Variants in UXS1 observed in about 807,000 individuals in gnomAD.
The protein encoded by UXS1 is UDP-glucuronic acid decarboxylase 1.
A neutral mutation model predicts 62.6 loss-of-function variants in UXS1; 33 were observed. That is an observed-to-expected ratio of 0.53 (90% CI 0.40 to 0.70). The LOEUF (loss-of-function observed/expected upper bound fraction) is 0.70. Among genes scored for constraint, UXS1 ranks in the 30% least tolerant of loss-of-function variants. UXS1 has a pLI of 0.00. For missense variants in UXS1, 434 were observed against 556.3 expected, an observed-to-expected ratio of 0.78 and a Z score of 2.21; for synonymous variants, 213 against 206.8, an observed-to-expected ratio of 1.03 and a Z score of -0.26.
intron 5 of UXS1, among the ~76,000 whole-genome samples, chr2:106,154,822 G>A (rs1558732675): frequency 6.6e-6 from 1 of 152,166 alleles, no homozygotes; most frequent in African/African-American, 2.4e-5. Flanking sequence ...AGCAGTGGAT[G>A]GCACATGTAT....
chr2:106,166,074 C>A lies in UXS1; in HGVS notation c.104G>T (p.Gly35Val), dbSNP rs1478453070. 1 of 1,610,694 alleles carries A rather than the reference C, an allele frequency of 6.2e-7. No individual in the cohort carries two copies. Among genetic ancestry groups the A allele is most frequent in the African/African-American group, 1.3e-5 (1 of 74,894 alleles). Residue 35 changes from glycine (G) to valine (V), a missense_variant, in exon 2 of 15, where the codon GGC becomes GTC. Gly to Val is a moderately radical substitution (Grantham distance 109). Coordinates refer to ENST00000283148, the MANE Select transcript of UXS1 (RefSeq NM_001253875.2). ...CAATTACCTCATATTAACGAAGTTG[C>A]CCCAAACAGCTGTAAGAGAAAGAAA... is the stretch of plus-strand genomic sequence containing the variant. ...ALLAYVASVW[G>V]NFVNMSFLLN... is the part of the protein sequence containing the mutation.
At chr2:106,099,303 G>A (rs950906072) in intron 12 of UXS1, among the ~76,000 whole-genome samples, 1 of 152,092 alleles carries the variant, frequency 6.6e-6, no homozygotes, top group African/African-American at 2.4e-5. Flanking sequence ...TACTTGTGTG[G>A]GGGCTTTAAG....
chr2:106,124,032 G>A (rs973212382), intron 8 of UXS1, among the ~76,000 whole-genome samples: 9 of 152,200 alleles, frequency 5.9e-5, no homozygotes, highest in Non-Finnish European at 2.9e-5. Flanking sequence ...CCGCAGCAAT[G>A]CAGAAGTGTG....
At chr2:106,142,777 C>T (rs1681222821) in intron 6 of UXS1, among the ~76,000 whole-genome samples, 1 of 152,184 alleles carries the variant, frequency 6.6e-6, no homozygotes, top group African/African-American at 2.4e-5. Flanking sequence ...AGGCTTCAAA[C>T]CACAGAGGCA....
chr2:106,143,510 TGC>T (rs964313843), intron 6 of UXS1, among the ~76,000 whole-genome samples: 11 of 151,518 alleles, frequency 7.3e-5, no homozygotes, highest in Non-Finnish European at 1.0e-4. Context: ...AGTTTTCTAT[TGC>T]TGCCTAATCA....
intron 1 of UXS1, among the ~76,000 whole-genome samples, chr2:106,177,613 A>G (rs1395762905): frequency 6.6e-6 from 1 of 152,254 alleles, no homozygotes; most frequent in Admixed American, 6.5e-5. Context: ...AATCACAAGA[A>G]GAAACTTTTG....
At chr2:106,185,201 G>A (rs1252130605) in intron 1 of UXS1, among the ~76,000 whole-genome samples, 1 of 152,104 alleles carries the variant, frequency 6.6e-6, no homozygotes, top group Non-Finnish European at 1.5e-5. Context: ...AATGCCCCAG[G>A]TCTTAAGGGC....
At chr2:106,174,725 C>T (rs1573567690) in intron 1 of UXS1, among the ~76,000 whole-genome samples, 1 of 152,226 alleles carries the variant, frequency 6.6e-6, no homozygotes, top group East Asian at 1.9e-4. Context: ...CTGCTGCTTA[C>T]TGAGCACCTA....
At chr2:106,152,585 G>C (rs549873501) in intron 5 of UXS1, among the ~76,000 whole-genome samples, 2 of 148,682 alleles carry the variant, frequency 1.3e-5, no homozygotes, top group South Asian at 4.3e-4. Flanking sequence ...GGAAAGGAAA[G>C]AAAGAAAAGA....
intron 1 of UXS1, among the ~76,000 whole-genome samples, chr2:106,177,182 AT>A (rs895288428): frequency 1.2e-3 from 160 of 132,332 alleles, no homozygotes; most frequent in Middle Eastern, 7.4e-3. Context: ...AGCTACATGC[AT>A]TTTTTTTTTC....
intron 9 of UXS1, among the ~76,000 whole-genome samples, chr2:106,117,286 T>C (rs1389359081): frequency 6.6e-6 from 1 of 152,248 alleles, no homozygotes; most frequent in East Asian, 1.9e-4. Flanking sequence ...TTTATTAATC[T>C]TCCTTAGGTG....
At chr2:106,115,030 T>C (rs1048307171) in intron 9 of UXS1, among the ~76,000 whole-genome samples, 2 of 152,110 alleles carry the variant, frequency 1.3e-5, no homozygotes, top group African/African-American at 4.8e-5. Flanking sequence ...CCAGTCAATA[T>C]GTATAGTCCA....
intron 6 of UXS1, among the ~76,000 whole-genome samples, chr2:106,139,384 G>C (rs1680917659): frequency 6.6e-6 from 1 of 152,188 alleles, no homozygotes; most frequent in Non-Finnish European, 1.5e-5. Flanking sequence ...GTTGGGAAGT[G>C]GCTGGGTGAG....
At chr2:106,120,217 T>C (rs185716664) in intron 9 of UXS1, among the ~76,000 whole-genome samples, 42 of 152,316 alleles carry the variant, frequency 2.8e-4, no homozygotes, top group Admixed American at 5.9e-4. Flanking sequence ...AAGAACACAC[T>C]GCACCTTCTT....
chr2:106,166,032 A>G, intron 2 of UXS1, 24 bp downstream of exon 2: 1 of 1,608,822 alleles, frequency 6.2e-7, no homozygotes, highest in South Asian at 1.1e-5. Context: ...CAACCACAGT[A>G]CCCAAGTAAT....
chr2:106,139,569 G>A lies in UXS1; in HGVS notation c.472+5621C>T, dbSNP rs373523012. 1.4e-4 allele frequency among the ~76,000 whole-genome samples: 22 copies of A among 152,286 alleles called. No homozygotes were observed. The East Asian group carries it at 3.5e-3, about 24-fold the overall frequency. On this transcript the variant is annotated intron_variant, in intron 6 of 14. Coordinates refer to ENST00000283148, the MANE Select transcript of UXS1 (RefSeq NM_001253875.2). ...AATCACCATAGGAGGAGAACAACTC[G>A]GGATAACCTGAAACCACTGTTCAGA...
chr2:106,113,743 G>T (rs992931264), intron 9 of UXS1, among the ~76,000 whole-genome samples: 1 of 152,234 alleles, frequency 6.6e-6, no homozygotes, highest in South Asian at 2.1e-4. Context: ...AGCCTGGGGC[G>T]TGAGGACCTG....
chr2:106,193,846 G>A (rs944891555), intron 1 of UXS1, among the ~76,000 whole-genome samples: 5 of 151,924 alleles, frequency 3.3e-5, no homozygotes, highest in Non-Finnish European at 7.4e-5. Context: ...GGACGACAGC[G>A]CCGCCGCCGA....
intron 1 of UXS1, among the ~76,000 whole-genome samples, chr2:106,176,759 T>C (rs1683906595): frequency 6.6e-6 from 1 of 152,250 alleles, no homozygotes; most frequent in African/African-American, 2.4e-5. Flanking sequence ...GAGCAGGCTC[T>C]AGCAACCGGC....
Sources: allele counts gnomAD v4.1 joint callset (sites outside exome capture counted in the v4.1 genomes callset), GRCh38; gene constraint gnomAD v4.1.1; transcripts MANE v1.5; gene names NCBI Gene and HGNC (gene_info 2026-07-23, HGNC 2026-07-21).